RBFOX1: variants seen among roughly 807,000 people sequenced by gnomAD.
RBFOX1 encodes the protein RNA binding fox-1 homolog 1.
RBFOX1 carries 8 observed loss-of-function variants against 57.7 expected under a neutral mutation model. That is an observed-to-expected ratio of 0.14 (90% CI 0.08 to 0.25). The LOEUF (loss-of-function observed/expected upper bound fraction) is 0.25. Among genes scored for constraint, RBFOX1 ranks in the 10% least tolerant of loss-of-function variants. The pLI is 1.00. For synonymous variants in RBFOX1, 326 were observed against 222.4 expected (o/e 1.47, Z -4.15); for missense variants, 611 against 548.5 (o/e 1.11, Z -1.14).
intron 9 of RBFOX1, among the ~76,000 whole-genome samples, chr16:7,599,410 G>A (rs748623842): frequency 3.3e-5 from 5 of 152,140 alleles, no homozygotes; most frequent in African/African-American, 7.2e-5. Context: ...TTTTAAAAGA[G>A]TTATTGATCA....
chr16:6,402,124 T>G (rs892014187), intron 2 of RBFOX1, among the ~76,000 whole-genome samples: 8 of 150,336 alleles, frequency 5.3e-5, no homozygotes, highest in Non-Finnish European at 1.2e-4. Flanking sequence ...TTCTTGTGAG[T>G]CCTGTCCCAA....
intron 1 of RBFOX1, among the ~76,000 whole-genome samples, chr16:6,212,581 C>T (rs1023037590): frequency 4.6e-5 from 7 of 152,066 alleles, no homozygotes; most frequent in African/African-American, 1.2e-4. Context: ...GTGGTGGGCG[C>T]CTGTAGTCCC....
At chr16:7,581,832 TC>T (rs1305001668) in intron 6 of RBFOX1, among the ~76,000 whole-genome samples, 2 of 152,096 alleles carry the variant, frequency 1.3e-5, no homozygotes, top group African/African-American at 4.8e-5. Flanking sequence ...CACCTCAGCC[TC>T]CCAAGTAGCT....
At chr16:6,220,337 T>C (rs2097364452) in intron 1 of RBFOX1, among the ~76,000 whole-genome samples, 1 of 152,192 alleles carries the variant, frequency 6.6e-6, no homozygotes, top group Non-Finnish European at 1.5e-5. Flanking sequence ...CCATAGATAC[T>C]AGGCCCACCC....
intron 1 of RBFOX1, among the ~76,000 whole-genome samples, chr16:6,128,814 G>A (rs918963982): frequency 1.3e-5 from 2 of 152,158 alleles, no homozygotes; most frequent in African/African-American, 4.8e-5. Context: ...GGGCACTTGG[G>A]ATCCAAGCAA....
At chr16:6,717,857 C>A (rs1001462825) in intron 3 of RBFOX1, among the ~76,000 whole-genome samples, 3 of 152,068 alleles carry the variant, frequency 2.0e-5, no homozygotes, top group African/African-American at 7.3e-5. Flanking sequence ...GTGGGATACC[C>A]CCTGCCTAGA....
rs2095495617 is a variant in RBFOX1, at chr16:7,279,130, CTTTCT to C, written c.27+227036_27+227040del. Among the ~76,000 whole-genome samples the C allele has an allele frequency of 2.2e-5, 3 of 138,090 alleles. No individual in the cohort carries two copies. In the South Asian group the frequency reaches 7.5e-4, roughly 34 times the overall value. The allele number at this position is 138,090 out of a possible 152,430, so 90.6% of individuals were successfully genotyped here. ...GTACATTTTCTCTTTCCTTTTCTTT[CTTTCT>C]TTTTTTTTTAAACATGGATCTTTGG... is the stretch of plus-strand genomic sequence containing the variant. On this transcript the variant is annotated intron_variant, in intron 4 of 15. Transcript: ENST00000550418.
chr16:6,370,562 G>T (rs967936508), intron 2 of RBFOX1, among the ~76,000 whole-genome samples: 1 of 151,948 alleles, frequency 6.6e-6, no homozygotes, highest in Non-Finnish European at 1.5e-5. Flanking sequence ...GAAACATTAC[G>T]CTAAGTGAAA....
At chr16:6,051,426 C>G (rs1211054752) in intron 1 of RBFOX1, among the ~76,000 whole-genome samples, 1 of 152,156 alleles carries the variant, frequency 6.6e-6, no homozygotes, top group Non-Finnish European at 1.5e-5. Flanking sequence ...CTCCTGGGTT[C>G]AAGCGATTCT....
chr16:6,760,100 T>G (rs773802915), intron 3 of RBFOX1, among the ~76,000 whole-genome samples: 2 of 151,992 alleles, frequency 1.3e-5, no homozygotes, highest in Non-Finnish European at 2.9e-5. Flanking sequence ...TTGTTTTCAT[T>G]AAAAGATAAA....
At chr16:6,163,926 G>A (rs2096897444) in intron 1 of RBFOX1, among the ~76,000 whole-genome samples, 1 of 152,048 alleles carries the variant, frequency 6.6e-6, no homozygotes, top group Non-Finnish European at 1.5e-5. Context: ...GTATATTTGA[G>A]GTTTACAATG....
chr16:7,039,509 T>G lies in RBFOX1; in HGVS notation c.-15-12548T>G, dbSNP rs181795645. 4.1e-4 allele frequency among the ~76,000 whole-genome samples: 62 copies of G among 152,316 alleles called. 1 individual carries two copies. The highest frequency in any genetic ancestry group is 4.4e-5 in the Non-Finnish European group (3 of 68,028). On this transcript the variant is annotated intron_variant, in intron 3 of 15. Coordinates refer to ENST00000550418, the MANE Select transcript of RBFOX1 (RefSeq NM_018723.4). ...GGCTGACTTGAGTCATTGTTGTGACTTTTTGTTTTTACTTTTTTAATTGAT... is the reference window on the plus strand; with the variant it reads ...GGCTGACTTGAGTCATTGTTGTGACGTTTTGTTTTTACTTTTTTAATTGAT...
chr16:6,459,165 C>A (rs1317834124), intron 2 of RBFOX1, among the ~76,000 whole-genome samples: 1 of 152,160 alleles, frequency 6.6e-6, no homozygotes, highest in Admixed American at 6.5e-5. Context: ...GAAACCCCGT[C>A]TCTACTAAAA....
intron 4 of RBFOX1, among the ~76,000 whole-genome samples, chr16:5,950,911 G>C (rs1366198561): frequency 6.6e-6 from 1 of 152,152 alleles, no homozygotes; most frequent in Admixed American, 6.5e-5. Context: ...ATCCAACCCA[G>C]GCCAGAGAGG....
chr16:5,548,171 AAAAATATATATATATAT>A (rs1163123343), intron 2 of RBFOX1, among the ~76,000 whole-genome samples: 2 of 37,516 alleles, frequency 5.3e-5, no homozygotes, highest in Non-Finnish European at 1.1e-4. Context: ...AAAAAAAAAA[AAAAATATATATATATAT>A]ATATATATAT....
chr16:6,308,551 G>A (rs540962394), intron 1 of RBFOX1, among the ~76,000 whole-genome samples: 33 of 152,264 alleles, frequency 2.2e-4, no homozygotes, highest in African/African-American at 7.5e-4. Flanking sequence ...CATCCTGCTC[G>A]TGTGGCTCTG....
intron 4 of RBFOX1, among the ~76,000 whole-genome samples, chr16:5,910,598 G>A (rs2058580788): frequency 6.6e-6 from 1 of 152,200 alleles, no homozygotes; most frequent in African/African-American, 2.4e-5. Flanking sequence ...TGCAGGGCTA[G>A]CAGAGGCAGG....
intron 4 of RBFOX1, among the ~76,000 whole-genome samples, chr16:5,876,424 G>C (rs1224850635): frequency 6.6e-6 from 1 of 152,160 alleles, no homozygotes; most frequent in African/African-American, 2.4e-5. Context: ...CACACCCGAG[G>C]CTATCAGACC....
intron 1 of RBFOX1, among the ~76,000 whole-genome samples, chr16:5,413,213 C>A (rs1381850052): frequency 6.6e-6 from 1 of 152,108 alleles, no homozygotes; most frequent in Non-Finnish European, 1.5e-5. Flanking sequence ...AGAAAAAAAA[C>A]CTGGCATTTT....
Sources: allele counts gnomAD v4.1 joint callset (sites outside exome capture counted in the v4.1 genomes callset), GRCh38; gene constraint gnomAD v4.1.1; transcripts MANE v1.5; gene names NCBI Gene and HGNC (gene_info 2026-07-23, HGNC 2026-07-21).